Variants in PTPRM observed in about 807,000 individuals in gnomAD.
The protein encoded by PTPRM is receptor-type tyrosine-protein phosphatase mu.
A neutral mutation model predicts 186.7 loss-of-function variants in PTPRM; 47 were observed. The ratio of observed to expected loss-of-function variants is 0.25; its 90% CI spans 0.20 to 0.32. The LOEUF (loss-of-function observed/expected upper bound fraction) is 0.32, where lower values mean the gene tolerates loss of function less well. Among genes scored for constraint, PTPRM ranks in the 10% least tolerant of loss-of-function variants. The pLI, the probability that PTPRM is intolerant of heterozygous loss-of-function variation, is 1.00. For synonymous variants in PTPRM, 668 were observed against 674.9 expected, an observed-to-expected ratio of 0.99 and a Z score of 0.16; for missense variants, 1,494 against 1,865.0, an observed-to-expected ratio of 0.80 and a Z score of 3.66.
chr18:8,344,421 GAT>G (rs1410987722), intron 23 of PTPRM, among the ~76,000 whole-genome samples: 49 of 111,996 alleles, frequency 4.4e-4, no homozygotes, highest in African/African-American at 1.6e-3. Context: ...ATAAGTAGGA[GAT>G]ATATATATGT....
At chr18:7,980,999 C>T (rs2082518074) in intron 7 of PTPRM, among the ~76,000 whole-genome samples, 2 of 152,020 alleles carry the variant, frequency 1.3e-5, no homozygotes, top group African/African-American at 2.4e-5. Flanking sequence ...TGGCTTTGGC[C>T]CCCTCTCCAT....
chr18:8,347,093 G>T (rs898289355), intron 23 of PTPRM, among the ~76,000 whole-genome samples: 1 of 152,174 alleles, frequency 6.6e-6, no homozygotes, highest in Non-Finnish European at 1.5e-5. Context: ...ATGTGATGGG[G>T]AGAAAGAGGT....
In PTPRM at chr18:8,378,311, G is replaced by A; in HGVS notation, c.3509G>A (p.Cys1170Tyr). The change falls in exon 27 of 33, where the codon TGT becomes TAT. Residue 1170 changes from cysteine (C) to tyrosine (Y), a missense_variant. By Grantham distance (194) the Cys-to-Tyr change is radical. Around this residue, in one of 3 missense-constraint regions of PTPRM, gnomAD observed 1,107 missense variants for 1,350.2 expected, o/e 0.82. Coordinates refer to ENST00000580170, the MANE Select transcript of PTPRM (RefSeq NM_001105244.2). ...IHDAILEACL[C>Y]GDTSVPASQV... ...GATGCGATCCTGGAAGCCTGTCTTT[G>A]TGGGGACACCTCTGTGCCTGCTTCC... 1.2e-6 allele frequency: 2 copies of A among 1,613,012 alleles called. No homozygotes were observed. The highest frequency in any genetic ancestry group is 1.7e-6 in the Non-Finnish European group (2 of 1,178,964).
At chr18:7,622,885 T>C (rs2037973837) in intron 1 of PTPRM, among the ~76,000 whole-genome samples, 2 of 152,124 alleles carry the variant, frequency 1.3e-5, no homozygotes, top group Admixed American at 6.5e-5. Flanking sequence ...AGAATAAAAA[T>C]TGGGCTTGTT....
chr18:8,078,417 C>T (rs1199887141), intron 9 of PTPRM, among the ~76,000 whole-genome samples: 2 of 152,146 alleles, frequency 1.3e-5, no homozygotes, highest in African/African-American at 4.8e-5. Context: ...ACACTTGCCC[C>T]AAAAGAAGCA....
intron 14 of PTPRM, among the ~76,000 whole-genome samples, chr18:8,185,156 TA>T (rs995917138): frequency 8.7e-6 from 1 of 114,612 alleles, no homozygotes; most frequent in Non-Finnish European, 2.0e-5. Flanking sequence ...TACTAATTGT[TA>T]AAAAAAATAA....
intron 1 of PTPRM, among the ~76,000 whole-genome samples, chr18:7,659,629 G>C (rs1312834526): frequency 6.6e-6 from 1 of 152,150 alleles, no homozygotes; most frequent in East Asian, 1.9e-4. Context: ...TCAGTGAAGG[G>C]CTTGTTCTTC....
intron 5 of PTPRM, among the ~76,000 whole-genome samples, chr18:7,931,507 C>T (rs2051482850): frequency 6.6e-6 from 1 of 152,086 alleles, no homozygotes; most frequent in Non-Finnish European, 1.5e-5. Context: ...TCGAGACCAT[C>T]CTGGCCAACA....
chr18:8,365,437 T>A (rs1477067858), intron 23 of PTPRM, among the ~76,000 whole-genome samples: 1 of 152,244 alleles, frequency 6.6e-6, no homozygotes, highest in Admixed American at 6.5e-5. Flanking sequence ...ATCCAGTGTG[T>A]CCAGTTCAAA....
At chr18:8,360,913 G>A (rs1299906249) in intron 23 of PTPRM, 1 of 152,198 alleles carries the variant, frequency 6.6e-6, no homozygotes, top group African/African-American at 2.4e-5. Context: ...TTGTAGAGTA[G>A]AGAATCTGAA....
intron 1 of PTPRM, among the ~76,000 whole-genome samples, chr18:7,710,188 A>G (rs1012678233): frequency 2.6e-5 from 4 of 152,212 alleles, no homozygotes; most frequent in Admixed American, 1.3e-4. Flanking sequence ...TATCAAAAAG[A>G]TAATACATCA....
intron 19 of PTPRM, among the ~76,000 whole-genome samples, chr18:8,284,163 G>A (rs2094931960): frequency 6.6e-6 from 1 of 152,122 alleles, no homozygotes; most frequent in Admixed American, 6.5e-5. Flanking sequence ...TTTCAAAATT[G>A]ACCCTCAAGT....
intron 14 of PTPRM, among the ~76,000 whole-genome samples, chr18:8,162,936 CCAAA>C (rs1303068521): frequency 6.6e-6 from 1 of 152,200 alleles, no homozygotes; most frequent in East Asian, 1.9e-4. Context: ...TGCTGCTTCT[CCAAA>C]CAAACACTGG....
intron 8 of PTPRM, among the ~76,000 whole-genome samples, chr18:8,073,526 C>T (rs1413414054): frequency 6.6e-6 from 1 of 152,148 alleles, no homozygotes. Context: ...TTTTTTGTTG[C>T]TTCAATGTAG....
intron 2 of PTPRM, among the ~76,000 whole-genome samples, chr18:7,811,586 A>C (rs1287531790): frequency 6.6e-6 from 1 of 152,110 alleles, no homozygotes; most frequent in African/African-American, 2.4e-5. Flanking sequence ...AGCTGGTCCA[A>C]ACTCCCAAGC....
intron 1 of PTPRM, among the ~76,000 whole-genome samples, chr18:7,700,797 C>T (rs1296933017): frequency 6.6e-6 from 1 of 151,344 alleles, no homozygotes; most frequent in African/African-American, 2.4e-5. Context: ...TCAAGACTAG[C>T]CTAGGCAATA....
At chr18:8,075,083 T>C (rs557100077) in intron 8 of PTPRM, among the ~76,000 whole-genome samples, 2 of 152,312 alleles carry the variant, frequency 1.3e-5, no homozygotes, top group Non-Finnish European at 2.9e-5. Context: ...TGGTGTGAGA[T>C]AGAAATCCAA....
At chr18:7,976,923 T>G (rs893315253) in intron 7 of PTPRM, among the ~76,000 whole-genome samples, 11 of 151,664 alleles carry the variant, frequency 7.3e-5, no homozygotes, top group Admixed American at 3.9e-4. Context: ...CTTGCTGTTT[T>G]TTTTTTTTTT....
intron 14 of PTPRM, among the ~76,000 whole-genome samples, chr18:8,179,391 A>G (rs1467271453): frequency 1.3e-5 from 2 of 151,842 alleles, no homozygotes; most frequent in East Asian, 1.9e-4. Flanking sequence ...CCATACATTT[A>G]ACTCCTGTTC....
Sources: allele counts gnomAD v4.1 joint callset (sites outside exome capture counted in the v4.1 genomes callset), GRCh38; gene constraint gnomAD v4.1.1; regional missense constraint gnomAD v4.1.1; transcripts MANE v1.5; gene names NCBI Gene and HGNC (gene_info 2026-07-23, HGNC 2026-07-21).